The following CDH12 variants were observed in gnomAD, a reference collection of about 807,000 sequenced individuals.
The protein encoded by CDH12 is cadherin-12.
Under a neutral mutation model 74.1 loss-of-function variants are expected in CDH12, and 41 were observed. The observed-to-expected ratio is 0.55, with a 90% CI of 0.43 to 0.72. The LOEUF (loss-of-function observed/expected upper bound fraction) is 0.72. CDH12 is among the 30% of genes least tolerant of loss of function. The pLI, the probability that CDH12 is intolerant of heterozygous loss-of-function variation, is 0.00. For missense variants in CDH12, 945 were observed against 977.2 expected (o/e 0.97, Z 0.44); for synonymous variants, 399 against 355.0 (o/e 1.12, Z -1.39).
chr5:22,459,907 G>C (rs1745432239), intron 2 of CDH12, among the ~76,000 whole-genome samples: 1 of 152,034 alleles, frequency 6.6e-6, no homozygotes, highest in Admixed American at 6.6e-5. Flanking sequence ...CACGGAGGTT[G>C]CAGTGAGCCG....
In CDH12 at chr5:21,833,279, GTTATATAACATATAATATATA is replaced by G. The variant is rs1749280711; in HGVS notation, c.814+8861_814+8881del. Reference sequence around the variant, plus strand: ...ATATAACATATAATATATATTATATGTTATATAACATATAATATATATTATATGTTATATGTTATATAATAT... The same window carrying G: ...ATATAACATATAATATATATTATATGTTATATGTTATATGTTATATAATAT... On this transcript the variant is annotated intron_variant, in intron 8 of 14. Transcript: ENST00000382254. Among the ~76,000 whole-genome samples the G allele has an allele frequency of 8.4e-5, 3 of 35,804 alleles. No homozygotes were observed. In the South Asian group the frequency reaches 3.0e-3, roughly 36 times the overall value. The allele number at this position is 35,804 out of a possible 152,430, so 23.5% of individuals were successfully genotyped here. A position where few individuals can be genotyped will look rare whatever the true frequency, so the allele number is the denominator to read the frequency against.
intron 1 of CDH12, among the ~76,000 whole-genome samples, chr5:22,506,774 A>G (rs1736402082): frequency 6.6e-6 from 1 of 152,160 alleles, no homozygotes; most frequent in African/African-American, 2.4e-5. Flanking sequence ...GCAGACATCC[A>G]TAATTGTCTC....
chr5:22,707,766 T>G (rs906833982), intron 1 of CDH12, among the ~76,000 whole-genome samples: 1 of 152,184 alleles, frequency 6.6e-6, no homozygotes, highest in Admixed American at 6.5e-5. Flanking sequence ...TGGGCTTGAA[T>G]TTTACATTTT....
intron 1 of CDH12, among the ~76,000 whole-genome samples, chr5:22,834,431 T>C (rs1397587592): frequency 6.6e-6 from 1 of 152,280 alleles, no homozygotes; most frequent in Non-Finnish European, 1.5e-5. Flanking sequence ...CCTAGGTGTG[T>C]AGTATTTAAG....
At chr5:22,723,303 C>G (rs534482133) in intron 1 of CDH12, among the ~76,000 whole-genome samples, 1 of 151,996 alleles carries the variant, frequency 6.6e-6, no homozygotes, top group Non-Finnish European at 1.5e-5. Context: ...TTACACAAAG[C>G]GTTTATACGT....
chr5:21,884,049 G>A, intron 6 of CDH12: 1 of 1,444,536 alleles, frequency 6.9e-7, no homozygotes, highest in South Asian at 1.1e-5. Context: ...AGGTGTTGAA[G>A]GATCTTTGAT....
chr5:22,060,371 G>A (rs979064235), intron 5 of CDH12, among the ~76,000 whole-genome samples: 3 of 152,030 alleles, frequency 2.0e-5, no homozygotes, highest in Admixed American at 6.6e-5. Flanking sequence ...TAATGCATGC[G>A]GGACTTAAAA....
intron 6 of CDH12, among the ~76,000 whole-genome samples, chr5:21,944,976 A>G (rs545907524): frequency 2.2e-3 from 331 of 152,306 alleles, no homozygotes; most frequent in Non-Finnish European, 3.6e-3. Flanking sequence ...CAGGTTACAC[A>G]TCAATAGGGA....
At position 22,141,740 on chromosome 5, in the gene CDH12, G is replaced by C. The variant is rs574755947; in HGVS notation, c.-186-62878C>G. Among the ~76,000 whole-genome samples, 6 of 152,196 alleles carry C rather than the reference G, an allele frequency of 3.9e-5. No individual in the cohort carries two copies. The South Asian group carries it at 8.3e-4, about 21-fold the overall frequency. On this transcript the variant is annotated intron_variant, in intron 4 of 14. Transcript: ENST00000382254. ...GGAGTTAAAAATAGGAGAATTTAGC[G>C]ATTCACTGATTGTGGGTCTGAGGCA...
chr5:22,682,544 A>T (rs942328715), intron 1 of CDH12, among the ~76,000 whole-genome samples: 1 of 152,032 alleles, frequency 6.6e-6, no homozygotes, highest in African/African-American at 2.4e-5. Context: ...GCTTCCTAGA[A>T]CTCAGACTAT....
chr5:22,597,235 C>A (rs1736646353), intron 1 of CDH12, among the ~76,000 whole-genome samples: 1 of 152,140 alleles, frequency 6.6e-6, no homozygotes, highest in African/African-American at 2.4e-5. Flanking sequence ...CATATTTCCA[C>A]AGTTTAAACA....
At chr5:22,383,235 A>G (rs1741847797) in intron 3 of CDH12, among the ~76,000 whole-genome samples, 1 of 152,176 alleles carries the variant, frequency 6.6e-6, no homozygotes, top group Admixed American at 6.5e-5. Context: ...CCAGCATTAT[A>G]ATTGAGGATA....
intron 4 of CDH12, among the ~76,000 whole-genome samples, chr5:22,096,830 A>G (rs982647604): frequency 1.3e-5 from 2 of 152,140 alleles, no homozygotes; most frequent in Admixed American, 6.5e-5. Context: ...AGGCCGTCTT[A>G]TTCTCAATAT....
intron 4 of CDH12, among the ~76,000 whole-genome samples, chr5:22,122,237 T>C (rs1265531582): frequency 6.6e-6 from 1 of 152,020 alleles, no homozygotes; most frequent in East Asian, 1.9e-4. Flanking sequence ...ACCCCGTCTC[T>C]ACTAAAAATA....
At chr5:22,373,615 C>T (rs1358732441) in intron 3 of CDH12, among the ~76,000 whole-genome samples, 1 of 152,190 alleles carries the variant, frequency 6.6e-6, no homozygotes, top group Non-Finnish European at 1.5e-5. Flanking sequence ...CCCAGCAAAA[C>T]TTCACCACAG....
intron 6 of CDH12, among the ~76,000 whole-genome samples, chr5:21,936,398 ATTTT>A (rs925661477): frequency 1.3e-5 from 2 of 151,360 alleles, no homozygotes; most frequent in African/African-American, 4.8e-5. Flanking sequence ...TCACTCTTTT[ATTTT>A]TTTAAGTTTC....
chr5:21,793,333 T>C (rs141289013), intron 10 of CDH12, among the ~76,000 whole-genome samples: 4 of 151,844 alleles, frequency 2.6e-5, no homozygotes, highest in African/African-American at 9.6e-5. Context: ...TTTTTTCAAG[T>C]ATGAAGAGTT....
intron 6 of CDH12, chr5:21,883,436 T>C: frequency 6.3e-7 from 1 of 1,597,798 alleles, no homozygotes; most frequent in South Asian, 1.1e-5. Flanking sequence ...ATGGAGAAGC[T>C]CTAAGTACAC....
chr5:22,523,898 G>T (rs1002579520), intron 1 of CDH12, among the ~76,000 whole-genome samples: 2 of 151,806 alleles, frequency 1.3e-5, no homozygotes, highest in African/African-American at 4.8e-5. Flanking sequence ...CTCTAGCTGA[G>T]GTGAAAACCA....
Sources: gnomAD v4.1 joint callset for allele counts (sites outside exome capture counted in the v4.1 genomes callset) on GRCh38, gnomAD v4.1.1 for gene constraint, MANE v1.5 for transcripts, NCBI Gene and HGNC (gene_info 2026-07-23, HGNC 2026-07-21) for gene names.